The following DLGAP2 variants were observed in gnomAD, a reference collection of about 807,000 sequenced individuals.
DLGAP2 encodes disks large-associated protein 2.
Under a neutral mutation model 100.3 loss-of-function variants are expected in DLGAP2, and 26 were observed. The ratio of observed to expected loss-of-function variants is 0.26; its 90% confidence interval spans 0.19 to 0.36. The LOEUF is 0.36. Ranked by LOEUF, DLGAP2 falls within the 10% of genes least tolerant of loss-of-function variation. The pLI is 1.00. For missense variants in DLGAP2, 1,858 were observed against 1,453.2 expected, an observed-to-expected ratio of 1.28 and a Z score of -4.53; for synonymous variants, 886 against 630.1, an observed-to-expected ratio of 1.41 and a Z score of -6.08.
At chr8:1,211,696 A>G (rs1484166271) in intron 2 of DLGAP2, among the ~76,000 whole-genome samples, 2 of 152,056 alleles carry the variant, frequency 1.3e-5, no homozygotes, top group African/African-American at 4.8e-5. Flanking sequence ...ACCAACATGG[A>G]GAAACCCTGT....
chr8:832,164 G>A (rs1389348890), intron 1 of DLGAP2, among the ~76,000 whole-genome samples: 2 of 152,124 alleles, frequency 1.3e-5, no homozygotes, highest in African/African-American at 4.8e-5. Flanking sequence ...TCTGTAGGTT[G>A]CCTTTTCACT....
intron 2 of DLGAP2, among the ~76,000 whole-genome samples, chr8:973,776 G>A (rs901476597): frequency 2.6e-5 from 4 of 152,002 alleles, no homozygotes; most frequent in Non-Finnish European, 5.9e-5. Flanking sequence ...GCGGCTGAGC[G>A]GAGGCGAATC....
At chr8:1,663,725 AAC>A (rs1798473020) in intron 8 of DLGAP2, among the ~76,000 whole-genome samples, 1 of 152,150 alleles carries the variant, frequency 6.6e-6, no homozygotes, top group South Asian at 2.1e-4. Flanking sequence ...AGTGAAACTC[AAC>A]TGCAGGGAGT....
intron 1 of DLGAP2, among the ~76,000 whole-genome samples, chr8:792,023 G>T (rs1425920227): frequency 2.6e-5 from 4 of 152,206 alleles, no homozygotes; most frequent in African/African-American, 4.8e-5. Context: ...GTTGCTGGAT[G>T]TACCTGTACG....
chr8:1,232,698 CACAAG>C (rs1247747765), intron 2 of DLGAP2, among the ~76,000 whole-genome samples: 6 of 152,248 alleles, frequency 3.9e-5, no homozygotes, highest in African/African-American at 1.4e-4. Context: ...TCCCTCTCAA[CACAAG>C]ACAAGGTGCA....
At chr8:1,698,176 C>T (rs1799452141) in intron 14 of DLGAP2, among the ~76,000 whole-genome samples, 1 of 152,180 alleles carries the variant, frequency 6.6e-6, no homozygotes, top group Non-Finnish European at 1.5e-5. Context: ...AGGCCAGATG[C>T]AATGGATCCA....
intron 1 of DLGAP2, among the ~76,000 whole-genome samples, chr8:797,785 T>C (rs1276020120): frequency 6.6e-6 from 1 of 152,152 alleles, no homozygotes; most frequent in African/African-American, 2.4e-5. Context: ...AGTTTCACTC[T>C]TATTGCCCAG....
rs566459222 is a variant in DLGAP2 at position 997,903 on chromosome 8, T to C, written c.73+89937T>C. ...ACACATGCATAAACACCCATGCACA[T>C]GCATGCATACAAACATGCACACACA... On this transcript the variant is annotated intron_variant, in intron 2 of 14. Transcript: ENST00000637795. 1.5e-4 allele frequency among the ~76,000 whole-genome samples: 22 copies of C among 149,908 alleles called. No individual in the cohort carries two copies. In the East Asian group the frequency reaches 1.6e-3, roughly 11 times the overall value.
chr8:968,597 T>G (rs1309548173), intron 2 of DLGAP2, among the ~76,000 whole-genome samples: 1 of 152,218 alleles, frequency 6.6e-6, no homozygotes, highest in Non-Finnish European at 1.5e-5. Context: ...GCCAGCGCCA[T>G]GAGTGCATCC....
At chr8:945,351 C>A (rs1799292630) in intron 2 of DLGAP2, among the ~76,000 whole-genome samples, 1 of 152,124 alleles carries the variant, frequency 6.6e-6, no homozygotes, top group African/African-American at 2.4e-5. Context: ...AGGTCATTGG[C>A]CTATGGAGAA....
intron 12 of DLGAP2, among the ~76,000 whole-genome samples, chr8:1,691,134 C>G (rs1439014725): frequency 6.6e-6 from 1 of 152,172 alleles, no homozygotes; most frequent in African/African-American, 2.4e-5. Flanking sequence ...TAAAAGAGTT[C>G]ACTAACATGT....
At chr8:1,104,665 G>A (rs532318917) in intron 2 of DLGAP2, among the ~76,000 whole-genome samples, 1 of 152,174 alleles carries the variant, frequency 6.6e-6, no homozygotes, top group Non-Finnish European at 1.5e-5. Flanking sequence ...CTTGGCAGAG[G>A]AAGAAGCTGT....
chr8:1,335,652 G>A (rs1371507249), intron 3 of DLGAP2, among the ~76,000 whole-genome samples: 1 of 152,148 alleles, frequency 6.6e-6, no homozygotes, highest in African/African-American at 2.4e-5. Flanking sequence ...GTAGGAGTTT[G>A]ATGGATGGAG....
intron 6 of DLGAP2, among the ~76,000 whole-genome samples, chr8:1,616,520 G>A (rs1167375959): frequency 6.6e-6 from 1 of 152,058 alleles, no homozygotes; most frequent in African/African-American, 2.4e-5. Flanking sequence ...AGAAACCAGA[G>A]GAATAATTAG....
At chr8:1,666,362 G>T (rs1798544212) in intron 8 of DLGAP2, among the ~76,000 whole-genome samples, 1 of 152,154 alleles carries the variant, frequency 6.6e-6, no homozygotes, top group Non-Finnish European at 1.5e-5. Context: ...TCTTTCCAAT[G>T]CATGCTTTTT....
chr8:1,162,126 G>C, intron 2 of DLGAP2, among the ~76,000 whole-genome samples: 1 of 152,370 alleles, frequency 6.6e-6, no homozygotes, highest in South Asian at 2.1e-4. Context: ...AGATTCCACA[G>C]GAGGCTACGG....
rs1000427021 is a variant in DLGAP2, at chr8:871,109, G to T, written c.19-36803G>T. ...ATCAGTCAGAGCCTGACCACCTCTG[G>T]GCACCAGTGTGCAGGTGTCTGCCTG... On this transcript the variant is annotated intron_variant, in intron 1 of 14. Transcript: ENST00000637795. 2.1e-4 allele frequency among the ~76,000 whole-genome samples: 32 copies of T among 152,260 alleles called. 1 individual carries two copies. The highest frequency in any genetic ancestry group is 1.8e-3 in the Admixed American group (27 of 15,308).
chr8:1,246,749 C>T (rs1798909666), intron 2 of DLGAP2: 1 of 152,350 alleles, frequency 6.6e-6, no homozygotes, highest in African/African-American at 2.4e-5. Context: ...AAGGGACATG[C>T]CCTGACACCC....
chr8:973,434 G>A (rs905442095), intron 2 of DLGAP2, among the ~76,000 whole-genome samples: 18 of 152,038 alleles, frequency 1.2e-4, no homozygotes, highest in Non-Finnish European at 1.9e-4. Context: ...CCTCCCAGAC[G>A]GGGTCACGGC....
Sources: gnomAD v4.1 joint callset for allele counts (sites outside exome capture counted in the v4.1 genomes callset) on GRCh38, gnomAD v4.1.1 for gene constraint, MANE v1.5 for transcripts, NCBI Gene and HGNC (gene_info 2026-07-23, HGNC 2026-07-21) for gene names.